TMPRSS11F: variants seen among roughly 807,000 people sequenced by gnomAD.
TMPRSS11F encodes the protein transmembrane protease serine 11F.
In TMPRSS11F, 47 loss-of-function variants were observed where a neutral mutation model predicts 60.2. The observed-to-expected ratio is 0.78, with a 90% CI of 0.62 to 1.00. TMPRSS11F has a LOEUF of 1.00. Among genes scored for constraint, TMPRSS11F ranks in the 50% least tolerant of loss-of-function variants. The pLI is 0.00. For synonymous variants in TMPRSS11F, 166 were observed against 167.3 expected, an observed-to-expected ratio of 0.99 and a Z score of 0.06; for missense variants, 519 against 522.9, an observed-to-expected ratio of 0.99 and a Z score of 0.07.
At chr4:68,092,662 G>A (rs959144358) in intron 2 of TMPRSS11F, among the ~76,000 whole-genome samples, 4 of 151,912 alleles carry the variant, frequency 2.6e-5, no homozygotes, top group African/African-American at 9.7e-5. Flanking sequence ...TAAATTTAAT[G>A]AATTCAAGCT....
intron 1 of TMPRSS11F, among the ~76,000 whole-genome samples, chr4:68,121,644 A>T (rs945531891): frequency 2.0e-5 from 3 of 152,324 alleles, no homozygotes; most frequent in Non-Finnish European, 2.9e-5. Flanking sequence ...TTCAATAAGC[A>T]GCCAATGTTC....
intron 1 of TMPRSS11F, among the ~76,000 whole-genome samples, chr4:68,114,720 G>A (rs1363452209): frequency 6.7e-6 from 1 of 148,344 alleles, no homozygotes; most frequent in Non-Finnish European, 1.5e-5. Flanking sequence ...AAAGGGAACT[G>A]GAAAAAAAAA....
At chr4:68,090,433 G>A in intron 3 of TMPRSS11F, 90 bp downstream of exon 3, 3 of 1,453,110 alleles carry the variant, frequency 2.1e-6, no homozygotes, top group Non-Finnish European at 2.7e-6. Flanking sequence ...TGCAAAAGAA[G>A]AAATTGAGAC....
intron 1 of TMPRSS11F, among the ~76,000 whole-genome samples, chr4:68,122,537 T>C (rs1026626921): frequency 5.3e-5 from 8 of 152,196 alleles, no homozygotes; most frequent in South Asian, 2.1e-4. Context: ...AATGAAACAA[T>C]AGTTTTCTCA....
intron 8 of TMPRSS11F, among the ~76,000 whole-genome samples, chr4:68,060,900 G>C (rs1577909418): frequency 6.6e-6 from 1 of 151,624 alleles, no homozygotes; most frequent in Non-Finnish European, 1.5e-5. Context: ...TGTTATTATG[G>C]TAATAACAAG....
In TMPRSS11F at chr4:68,090,555, ACT is replaced by A. The variant is rs1311504199; in HGVS notation, c.248_249del (p.Glu83ValfsTer9). On this transcript the variant is annotated frameshift_variant, in exon 3 of 10. Transcript: ENST00000356291. LOFTEE classifies it high-confidence loss of function. Reference protein sequence around the residue: ...KENYGIRSSREFIERSHQIER... With the variant: ...KENYGIRSSRXFIERSHQIER... ...TCAATCTGATGACTCCTTTCTATAAACTCTCTTGAAGATCTTATGCCATAATT... is the reference window on the plus strand; with the variant it reads ...TCAATCTGATGACTCCTTTCTATAAACTCTTGAAGATCTTATGCCATAATT... 6.3e-7 allele frequency: 1 copy of A among 1,598,242 alleles called. No homozygotes were observed.
chr4:68,078,397 T>G lies in TMPRSS11F; in HGVS notation c.283-4388A>C, dbSNP rs148297594. Among the ~76,000 whole-genome samples, 169 of 152,310 alleles carry G rather than the reference T, an allele frequency of 1.1e-3. 3 individuals are homozygous for G. In the East Asian group the frequency reaches 0.03, roughly 27 times the overall value. On this transcript the variant is annotated intron_variant, in intron 3 of 9. Transcript: ENST00000356291. ...TCCTCAAAGTTGAACACTCCTTTAT[T>G]TGGGCCACCTTGTCATCTTGAATAT... is the stretch of plus-strand genomic sequence containing the variant.
intron 7 of TMPRSS11F, among the ~76,000 whole-genome samples, chr4:68,066,731 C>T (rs367594159): frequency 1.6e-4 from 24 of 151,852 alleles, no homozygotes; most frequent in Non-Finnish European, 2.9e-4. Context: ...GTCGGGAGAT[C>T]GAGACCATCC....
intron 3 of TMPRSS11F, among the ~76,000 whole-genome samples, chr4:68,084,949 C>T (rs1298421700): frequency 5.2e-5 from 7 of 135,672 alleles, no homozygotes; most frequent in East Asian, 2.2e-4. Flanking sequence ...GTGATCTCAT[C>T]GTTCAATTCC....
chr4:68,061,539 T>G (rs76099783), intron 8 of TMPRSS11F, among the ~76,000 whole-genome samples: 5,435 of 152,286 alleles, frequency 0.036, 274 homozygotes, highest in African/African-American at 0.11. Flanking sequence ...AGAGAATAGT[T>G]TCTTATTTTG....
chr4:68,117,412 A>G lies in TMPRSS11F; in HGVS notation c.11+12398T>C, dbSNP rs188297751. Among the ~76,000 whole-genome samples the G allele has an allele frequency of 1.8e-3, 256 of 141,326 alleles. 3 individuals carry two copies. Among genetic ancestry groups the G allele is most frequent in the Non-Finnish European group, 3.8e-4 (25 of 65,812 alleles). The allele number at this position is 141,326 out of a possible 152,430, so 92.7% of individuals were successfully genotyped here. A position where few individuals can be genotyped will look rare whatever the true frequency, so the allele number is the denominator to read the frequency against. ...AACCCTGGGTGGCAGAGCCTGCAGT[A>G]AGCCGAGATCCGGCCACCGCACTCC... On this transcript the variant is annotated intron_variant, in intron 1 of 9. Transcript: ENST00000356291.
chr4:68,108,891 C>T (rs955659978), intron 1 of TMPRSS11F, among the ~76,000 whole-genome samples: 2 of 152,108 alleles, frequency 1.3e-5, no homozygotes, highest in African/African-American at 4.8e-5. Flanking sequence ...TTATTTTACC[C>T]AGGACCTGAC....
chr4:68,066,700 C>G (rs573517783), intron 7 of TMPRSS11F, among the ~76,000 whole-genome samples: 1 of 152,278 alleles, frequency 6.6e-6, no homozygotes, highest in Admixed American at 6.5e-5. Flanking sequence ...CTATGGGAGG[C>G]TGAGGCGGGC....
chr4:68,104,959 GTTT>G (rs36174695), intron 1 of TMPRSS11F, among the ~76,000 whole-genome samples: 1 of 139,954 alleles, frequency 7.1e-6, no homozygotes, highest in Non-Finnish European at 1.5e-5. Flanking sequence ...TTGCTTGTAG[GTTT>G]TTTTTTTTTC....
intron 7 of TMPRSS11F, among the ~76,000 whole-genome samples, chr4:68,068,369 A>G (rs915205224): frequency 2.0e-5 from 3 of 152,114 alleles, no homozygotes; most frequent in Non-Finnish European, 4.4e-5. Flanking sequence ...ATATTATTTT[A>G]TATAATATAT....
At chr4:68,114,245 A>T (rs1724467445) in intron 1 of TMPRSS11F, among the ~76,000 whole-genome samples, 1 of 151,954 alleles carries the variant, frequency 6.6e-6, no homozygotes, top group Non-Finnish European at 1.5e-5. Flanking sequence ...AGCAGAAAAA[A>T]GGAAATAATA....
At chr4:68,114,811 T>C (rs1045049476) in intron 1 of TMPRSS11F, among the ~76,000 whole-genome samples, 3 of 151,512 alleles carry the variant, frequency 2.0e-5, no homozygotes, top group Non-Finnish European at 2.9e-5. Context: ...CAATATTATA[T>C]AAAAACAAGT....
chr4:68,093,622 T>C (rs1197755396), intron 2 of TMPRSS11F, among the ~76,000 whole-genome samples: 1 of 151,612 alleles, frequency 6.6e-6, no homozygotes, highest in Non-Finnish European at 1.5e-5. Flanking sequence ...ACCTACAAAA[T>C]GGGAGAAAAT....
intron 8 of TMPRSS11F, among the ~76,000 whole-genome samples, chr4:68,060,515 CAAAAAA>C (rs71218926): frequency 1.1e-3 from 33 of 29,628 alleles, no homozygotes; most frequent in African/African-American, 4.9e-3. Flanking sequence ...GACTCCAACT[CAAAAAA>C]AAAAAAAAAA....
Sources: allele counts gnomAD v4.1 joint callset (sites outside exome capture counted in the v4.1 genomes callset), GRCh38; gene constraint gnomAD v4.1.1; transcripts MANE v1.5; gene names NCBI Gene and HGNC (gene_info 2026-07-23, HGNC 2026-07-21).